Variants in IL21R observed in about 807,000 individuals in gnomAD.
The protein encoded by IL21R is interleukin-21 receptor.
Under a neutral mutation model 41.3 loss-of-function variants are expected in IL21R, and 14 were observed. The ratio of observed to expected loss-of-function variants is 0.34; its 90% CI spans 0.22 to 0.53. The LOEUF is 0.53. IL21R is among the 20% of genes least tolerant of loss of function. IL21R has a pLI of 0.94. For synonymous variants in IL21R, 286 were observed against 287.6 expected (o/e 0.99, Z 0.05); for missense variants, 588 against 681.6 (o/e 0.86, Z 1.53).
intron 3 of IL21R, among the ~76,000 whole-genome samples, chr16:27,435,349 C>T (rs999316415): frequency 5.9e-5 from 9 of 152,194 alleles, no homozygotes; most frequent in Non-Finnish European, 1.3e-4. Context: ...TGACCAGGCC[C>T]CAGATGCCTT....
At chr16:27,414,675 T>G (rs2086871688) in intron 1 of IL21R, among the ~76,000 whole-genome samples, 3 of 151,282 alleles carry the variant, frequency 2.0e-5, no homozygotes, top group Admixed American at 1.3e-4. Flanking sequence ...GTTTTAAAAA[T>G]TATTATTCCA....
intron 1 of IL21R, among the ~76,000 whole-genome samples, chr16:27,421,786 T>A (rs2087004806): frequency 6.6e-6 from 1 of 152,148 alleles, no homozygotes; most frequent in Admixed American, 6.5e-5. Context: ...GTTTTGTATA[T>A]ACAAGATCAT....
chr16:27,414,164 T>TTGTGTGTGTGTGTGTG (rs1208364751), intron 1 of IL21R, among the ~76,000 whole-genome samples: 3 of 29,170 alleles, frequency 1.0e-4, no homozygotes, highest in African/African-American at 2.3e-4. Flanking sequence ...TAGCTATGTA[T>TTGTGTGTGTGTGTGTG]AGTGTGTGTG....
At chr16:27,438,596 T>C (rs746044632) in intron 4 of IL21R, among the ~76,000 whole-genome samples, 8 of 152,024 alleles carry the variant, frequency 5.3e-5, no homozygotes, top group Non-Finnish European at 1.5e-5. Flanking sequence ...GGCCAGGCAC[T>C]GTGGCTCACG....
chr16:27,416,987 C>G (rs2086900282), intron 1 of IL21R, among the ~76,000 whole-genome samples: 1 of 152,140 alleles, frequency 6.6e-6, no homozygotes, highest in Non-Finnish European at 1.5e-5. Flanking sequence ...CATTCTACTG[C>G]ATGGATATAC....
At chr16:27,447,750 T>C (rs749760681) in intron 8 of IL21R, 2 of 152,272 alleles carry the variant, frequency 1.3e-5, no homozygotes, top group Non-Finnish European at 2.9e-5. Context: ...ACAAGACTTA[T>C]GTCCGGGGGC....
intron 1 of IL21R, among the ~76,000 whole-genome samples, chr16:27,422,407 T>G (rs2087012503): frequency 1.3e-5 from 2 of 152,136 alleles, no homozygotes. Context: ...TAATTGCAAA[T>G]GCATGTATGT....
chr16:27,433,420 C>T (rs529464301), intron 2 of IL21R, among the ~76,000 whole-genome samples: 9 of 152,008 alleles, frequency 5.9e-5, no homozygotes, highest in East Asian at 3.8e-4. Flanking sequence ...GAGCTGAGAT[C>T]GCACCACTGC....
At chr16:27,430,183 C>T (rs1290372891) in intron 2 of IL21R, 63 bp downstream of exon 2, 69 of 1,464,214 alleles carry the variant, frequency 4.7e-5, no homozygotes, top group African/African-American at 5.5e-5. Flanking sequence ...GAGCCAGGGC[C>T]GGGCTGGCTT....
Position 27,448,971 on chromosome 16 carries a change from C to A in IL21R, c.1305C>A (p.Ser435Arg). The change falls in exon 9 of 9, where the codon AGC (serine) becomes AGA (arginine). Residue 435 changes from serine to arginine, a missense_variant. Ser to Arg is a moderately radical substitution (Grantham distance 110, BLOSUM62 -1). Coordinates refer to ENST00000337929, the MANE Select transcript of IL21R (RefSeq NM_181078.3). ...VLSCGCVSAG[S>R]PGLGGPLGSL... is the part of the protein sequence containing the mutation. ...CCTGTGGCTGTGTCTCAGCTGGCAG[C>A]CCTGGGCTAGGAGGGCCCCTGGGAA... The A allele has an allele frequency of 1.2e-6, 2 of 1,613,128 alleles. No individual in the cohort carries two copies. The highest frequency in any genetic ancestry group is 1.7e-6 in the Non-Finnish European group (2 of 1,179,922).
intron 1 of IL21R, among the ~76,000 whole-genome samples, chr16:27,407,775 A>G (rs1596563908): frequency 6.6e-6 from 1 of 152,254 alleles, no homozygotes; most frequent in African/African-American, 2.4e-5. Context: ...CAGTGAGCCA[A>G]GATCGTGCCA....
At chr16:27,414,216 C>T (rs1361865149) in intron 1 of IL21R, among the ~76,000 whole-genome samples, 2 of 120,680 alleles carry the variant, frequency 1.7e-5, no homozygotes, top group African/African-American at 3.0e-5. Context: ...AAGAAGACTC[C>T]TCTATTTCTG....
intron 1 of IL21R, among the ~76,000 whole-genome samples, chr16:27,415,029 G>A (rs2086877156): frequency 6.6e-6 from 1 of 152,148 alleles, no homozygotes. Flanking sequence ...CAACTAGGGT[G>A]GAAGGATGGC....
At position 27,430,184 on chromosome 16, in the gene IL21R, G is replaced by A. The variant is rs998056972; in HGVS notation, c.49+64G>A. The A allele has an allele frequency of 1.3e-4, 183 of 1,462,888 alleles. No homozygotes were observed. The African/African-American group carries it at 1.3e-3, about 10-fold the overall frequency. 90.6% of individuals were successfully genotyped at this position (1,462,888 alleles called of 1,614,324 possible). ...CCCATCACAGAGCTGAGCCAGGGCC[G>A]GGCTGGCTTTCTGGGCTCAAAAACA... On this transcript the variant is annotated intron_variant, in intron 2 of 8. Transcript: ENST00000337929.
chr16:27,407,499 C>A (rs1216460341), intron 1 of IL21R, among the ~76,000 whole-genome samples: 1 of 152,140 alleles, frequency 6.6e-6, no homozygotes, highest in Admixed American at 6.5e-5. Flanking sequence ...GTCCAAAGGC[C>A]CTGATGCAGG....
At chr16:27,447,174 A>G (rs1246452435) in intron 8 of IL21R, among the ~76,000 whole-genome samples, 2 of 152,150 alleles carry the variant, frequency 1.3e-5, no homozygotes, top group East Asian at 3.9e-4. Flanking sequence ...CCTCTTCCCT[A>G]AAGCTCAAAT....
In IL21R at chr16:27,449,214, C is replaced by A. The variant is rs1486350721; in HGVS notation, c.1548C>A (p.Pro516=). ...CCAGCCCCGGGGACGAAGGACCCCC[C>A]CGGAGCTACCTCCGCCAGTGGGTGG... ...DFTSPGDEGP[P]RSYLRQWVVI... is the part of the protein sequence containing the mutation. Residue 516 remains proline (P), a synonymous_variant, in exon 9 of 9, where the codon CCC becomes CCA. Transcript: ENST00000337929. The A allele has an allele frequency of 2.5e-6, 4 of 1,612,730 alleles. No homozygotes were observed. The highest frequency in any genetic ancestry group is 3.3e-5 in the Admixed American group (2 of 59,992).
At chr16:27,440,242 TATATATAG>T (rs1457236626) in intron 4 of IL21R, among the ~76,000 whole-genome samples, 13 of 87,018 alleles carry the variant, frequency 1.5e-4, no homozygotes, top group South Asian at 9.3e-4. Context: ...TATATATATA[TATATATAG>T]AGAGAGAGAG....
chr16:27,438,756 GCT>G (rs1351703862), intron 4 of IL21R, among the ~76,000 whole-genome samples: 3 of 151,990 alleles, frequency 2.0e-5, no homozygotes, highest in South Asian at 4.1e-4. Context: ...CGTAATCCCG[GCT>G]ACTCGGGAGG....
Sources: gnomAD v4.1 joint callset for allele counts (sites outside exome capture counted in the v4.1 genomes callset) on GRCh38, gnomAD v4.1.1 for gene constraint, MANE v1.5 for transcripts, NCBI Gene and HGNC (gene_info 2026-07-23, HGNC 2026-07-21) for gene names.